The following DTNA variants were observed in gnomAD, a reference collection of about 807,000 sequenced individuals.
DTNA encodes the protein dystrobrevin alpha.
Under a neutral mutation model 100.7 loss-of-function variants are expected in DTNA, and 43 were observed. The observed-to-expected ratio is 0.43, with a 90% CI of 0.33 to 0.55. DTNA has a LOEUF of 0.55. Among genes scored for constraint, DTNA ranks in the 20% least tolerant of loss-of-function variants. The pLI is 0.04. For synonymous variants in DTNA, 349 were observed against 347.9 expected (o/e 1.00, Z -0.04); for missense variants, 798 against 953.9 (o/e 0.84, Z 2.15).
intron 1 of DTNA, among the ~76,000 whole-genome samples, chr18:34,625,633 A>G (rs1469517646): frequency 1.3e-5 from 2 of 152,228 alleles, no homozygotes; most frequent in Non-Finnish European, 2.9e-5. Flanking sequence ...TTATATATAC[A>G]CAAAATATTA....
chr18:34,502,814 A>G (rs2040070656), intron 1 of DTNA, among the ~76,000 whole-genome samples: 1 of 152,188 alleles, frequency 6.6e-6, no homozygotes, highest in Admixed American at 6.5e-5. Context: ...AGGGCACTAG[A>G]AAAGAATGTA....
chr18:34,800,231 A>G (rs1199663103), intron 4 of DTNA, among the ~76,000 whole-genome samples: 3 of 152,334 alleles, frequency 2.0e-5, no homozygotes, highest in East Asian at 1.9e-4. Flanking sequence ...AGAGCTTGCT[A>G]TGTGGTAGGT....
chr18:34,607,543 A>G (rs1460680548), intron 1 of DTNA, among the ~76,000 whole-genome samples: 1 of 152,206 alleles, frequency 6.6e-6, no homozygotes, highest in African/African-American at 2.4e-5. Context: ...CAGACATTCT[A>G]AATAAATATA....
At chr18:34,511,055 T>G (rs1375681597) in intron 1 of DTNA, among the ~76,000 whole-genome samples, 1 of 152,082 alleles carries the variant, frequency 6.6e-6, no homozygotes, top group Non-Finnish European at 1.5e-5. Context: ...CAGATCCTTC[T>G]CTGAAAGACA....
chr18:34,596,595 T>A (rs2147063367), intron 1 of DTNA, among the ~76,000 whole-genome samples: 1 of 152,342 alleles, frequency 6.6e-6, no homozygotes. Flanking sequence ...ATCGGGTATA[T>A]CAGTCCAGAT....
intron 21 of DTNA, among the ~76,000 whole-genome samples, chr18:34,882,732 T>TA (rs2096885132): frequency 1.3e-5 from 2 of 152,200 alleles, no homozygotes; most frequent in African/African-American, 4.8e-5. Context: ...ACAGCCTTCT[T>TA]ATATTGGAAA....
At chr18:34,756,451 T>C (rs1228179395) in intron 2 of DTNA, among the ~76,000 whole-genome samples, 1 of 152,196 alleles carries the variant, frequency 6.6e-6, no homozygotes, top group Admixed American at 6.5e-5. Flanking sequence ...AAATGAATTA[T>C]TGACTTTCTT....
chr18:34,804,999 A>G (rs773430871), intron 4 of DTNA, among the ~76,000 whole-genome samples: 5 of 152,208 alleles, frequency 3.3e-5, no homozygotes, highest in Admixed American at 6.5e-5. Flanking sequence ...TTATTCATAT[A>G]AATTATTTAT....
chr18:34,723,382 G>T (rs1486115291), intron 1 of DTNA, among the ~76,000 whole-genome samples: 1 of 152,086 alleles, frequency 6.6e-6, no homozygotes, highest in African/African-American at 2.4e-5. Flanking sequence ...GTGTGGAGAA[G>T]GAGTATATAT....
chr18:34,576,351 A>T (rs1042275200), intron 1 of DTNA, among the ~76,000 whole-genome samples: 13 of 152,210 alleles, frequency 8.5e-5, no homozygotes, highest in African/African-American at 3.1e-4. Flanking sequence ...ATCAAGACAA[A>T]CTTGCAGGGA....
intron 5 of DTNA, among the ~76,000 whole-genome samples, chr18:34,806,616 G>A (rs962751454): frequency 1.3e-5 from 2 of 152,190 alleles, no homozygotes; most frequent in Non-Finnish European, 2.9e-5. Context: ...CGTGGTACAG[G>A]ATGATAGGCA....
intron 15 of DTNA, among the ~76,000 whole-genome samples, chr18:34,857,922 G>T (rs560254767): frequency 3.2e-4 from 49 of 152,188 alleles, no homozygotes; most frequent in Non-Finnish European, 6.9e-4. Flanking sequence ...ATGCATTTTT[G>T]TCTCTTAAGC....
chr18:34,773,410 T>C (rs1022163716), intron 3 of DTNA, among the ~76,000 whole-genome samples: 2 of 152,162 alleles, frequency 1.3e-5, no homozygotes, highest in African/African-American at 4.8e-5. Flanking sequence ...GAGAAAGATA[T>C]GTATTTAAAA....
At chr18:34,783,130 CCTTCT>C (rs2094395082) in intron 3 of DTNA, among the ~76,000 whole-genome samples, 1 of 152,142 alleles carries the variant, frequency 6.6e-6, no homozygotes, top group South Asian at 2.1e-4. Flanking sequence ...TTTTCATTTA[CCTTCT>C]CTTATTATTT....
intron 1 of DTNA, among the ~76,000 whole-genome samples, chr18:34,622,966 A>G (rs917873385): frequency 2.0e-5 from 3 of 152,190 alleles, no homozygotes; most frequent in Non-Finnish European, 2.9e-5. Context: ...CCATATCTTT[A>G]TATACCCTAT....
At chr18:34,606,497 A>G (rs1171578015) in intron 1 of DTNA, among the ~76,000 whole-genome samples, 3 of 152,204 alleles carry the variant, frequency 2.0e-5, no homozygotes, top group Non-Finnish European at 4.4e-5. Flanking sequence ...GGAGTAAGAC[A>G]TTCCTGAATC....
intron 1 of DTNA, among the ~76,000 whole-genome samples, chr18:34,649,306 A>G (rs2060186536): frequency 6.6e-6 from 1 of 152,182 alleles, no homozygotes; most frequent in South Asian, 2.1e-4. Flanking sequence ...GAAGATTATG[A>G]TCTTGGGATT....
rs2096947041 is a variant in DTNA, at chr18:34,889,041, C to T, written c.*1307C>T. The T allele has an allele frequency of 2.0e-6, 2 of 985,792 alleles. No homozygotes were observed. The highest frequency in any genetic ancestry group is 9.4e-5 in the South Asian group (2 of 21,282). 61.1% of individuals were successfully genotyped at this position (985,792 alleles called of 1,614,324 possible). A position where few individuals can be genotyped will look rare whatever the true frequency, so the allele number is the denominator to read the frequency against. On this transcript the variant is annotated 3_prime_UTR_variant, in exon 23 of 23. Transcript: ENST00000444659. ...GATAAAAGACTGGGATAGTCTTTTC[C>T]AAGGACCCTCTTTAGAGGGCCCTAA... is the stretch of plus-strand genomic sequence containing the variant.
intron 1 of DTNA, among the ~76,000 whole-genome samples, chr18:34,716,377 C>T (rs907905194): frequency 9.9e-5 from 15 of 151,998 alleles, no homozygotes; most frequent in South Asian, 4.2e-4. Context: ...GCCTGGCCAA[C>T]GTAGTGAAAC....
Sources: gnomAD v4.1 joint callset for allele counts (sites outside exome capture counted in the v4.1 genomes callset) on GRCh38, gnomAD v4.1.1 for gene constraint, MANE v1.5 for transcripts, NCBI Gene and HGNC (gene_info 2026-07-23, HGNC 2026-07-21) for gene names.